ANXA3: variants seen among roughly 807,000 people sequenced by gnomAD.
The protein encoded by ANXA3 is 35-alpha calcimedin.
ANXA3 carries 46 observed loss-of-function variants against 48.8 expected under a neutral mutation model. The ratio of observed to expected loss-of-function variants is 0.94; its 90% CI spans 0.74 to 1.21. The LOEUF (loss-of-function observed/expected upper bound fraction) is 1.21, where lower values mean the gene tolerates loss of function less well. Ranked by LOEUF, ANXA3 falls within the 50% of genes most tolerant of loss-of-function variation. The pLI is 0.00. For missense variants in ANXA3, 383 were observed against 378.6 expected, an observed-to-expected ratio of 1.01 and a Z score of -0.10; for synonymous variants, 128 against 134.7, an observed-to-expected ratio of 0.95 and a Z score of 0.35.
intron 2 of ANXA3, among the ~76,000 whole-genome samples, chr4:78,562,215 G>T (rs896727582): frequency 3.2e-5 from 3 of 93,410 alleles, no homozygotes; most frequent in African/African-American, 1.0e-4. Flanking sequence ...TTTGGTGGAT[G>T]TAAAGCAGTT....
chr4:78,578,833 T>C (rs546182671), intron 3 of ANXA3, among the ~76,000 whole-genome samples, 194 bp from the exon 4 acceptor site: 4 of 150,108 alleles, frequency 2.7e-5, no homozygotes, highest in African/African-American at 5.0e-5. Context: ...AACTTTTTTT[T>C]TCCAAAACTC....
intron 6 of ANXA3, among the ~76,000 whole-genome samples, chr4:78,587,718 T>C (rs1723206659): frequency 6.6e-6 from 1 of 152,208 alleles, no homozygotes; most frequent in African/African-American, 2.4e-5. Context: ...GTGACTGTTT[T>C]GTTATTGATG....
intron 2 of ANXA3, among the ~76,000 whole-genome samples, chr4:78,567,322 C>T (rs1001924786): frequency 2.6e-5 from 4 of 152,140 alleles, no homozygotes; most frequent in East Asian, 3.8e-4. Context: ...TGGTCAGGGC[C>T]GTCCTCCCTC....
chr4:78,574,897 G>A (rs986368899), intron 3 of ANXA3, among the ~76,000 whole-genome samples: 1 of 152,186 alleles, frequency 6.6e-6, no homozygotes, highest in Admixed American at 6.5e-5. Context: ...CCACATTGAT[G>A]GGGATGCTTC....
At chr4:78,583,663 T>C (rs1455728625) in intron 5 of ANXA3, among the ~76,000 whole-genome samples, 1 of 150,584 alleles carries the variant, frequency 6.6e-6, no homozygotes, top group Non-Finnish European at 1.5e-5. Flanking sequence ...ATTGGTTACA[T>C]GATTATGGGA....
chr4:78,561,123 A>T (rs1722619419), intron 2 of ANXA3, among the ~76,000 whole-genome samples: 1 of 152,172 alleles, frequency 6.6e-6, no homozygotes, highest in Non-Finnish European at 1.5e-5. Flanking sequence ...TATAGAAGAT[A>T]CCGAAAAAGG....
intron 2 of ANXA3, 83 bp from the exon 3 acceptor site, chr4:78,573,097 T>G (rs1722872284): frequency 9.9e-7 from 1 of 1,011,660 alleles, no homozygotes; most frequent in African/African-American, 1.6e-5. Flanking sequence ...CATATGCCTC[T>G]CATATGCATG....
At chr4:78,558,940 G>A (rs1328317777) in intron 2 of ANXA3, among the ~76,000 whole-genome samples, 1 of 152,068 alleles carries the variant, frequency 6.6e-6, no homozygotes, top group Non-Finnish European at 1.5e-5. Flanking sequence ...ATACAATGCT[G>A]GCTTTCTTAG....
intron 2 of ANXA3, among the ~76,000 whole-genome samples, chr4:78,561,358 T>C (rs1454669390): frequency 1.3e-5 from 2 of 152,106 alleles, no homozygotes. Flanking sequence ...TGGTAGAGGC[T>C]CTTAGGAAAG....
chr4:78,590,997 C>T (rs1430317209), intron 6 of ANXA3, among the ~76,000 whole-genome samples: 2 of 152,092 alleles, frequency 1.3e-5, no homozygotes, highest in Admixed American at 1.3e-4. Context: ...GCCCAAGATG[C>T]AGATATCAGT....
Position 78,555,753 on chromosome 4 carries a change from A to G in ANXA3, c.15+1265A>G, listed in dbSNP as rs572818588. Among the ~76,000 whole-genome samples the G allele has an allele frequency of 4.5e-4, 69 of 151,666 alleles. 1 individual carries two copies. Among genetic ancestry groups the G allele is most frequent in the Non-Finnish European group, 8.8e-4 (60 of 67,914 alleles). On this transcript the variant is annotated intron_variant, in intron 2 of 12. Transcript: ENST00000264908. ...ATGGTCCTAGATACTTGGGAGGCTC[A>G]GGTGGTAAGATCGCTTAAGCCCAAG...
At chr4:78,587,629 G>A (rs996597829) in intron 6 of ANXA3, among the ~76,000 whole-genome samples, 1 of 152,342 alleles carries the variant, frequency 6.6e-6, no homozygotes, top group African/African-American at 2.4e-5. Flanking sequence ...CAAAGAAGGA[G>A]TACATATTGG....
Position 78,588,596 on chromosome 4 carries a change from A to T in ANXA3, c.403+2246A>T, listed in dbSNP as rs535191005. Among the ~76,000 whole-genome samples, 16 of 152,314 alleles carry T rather than the reference A, an allele frequency of 1.1e-4. No homozygotes were observed. In the South Asian group the frequency reaches 3.3e-3, roughly 32 times the overall value. On this transcript the variant is annotated intron_variant, in intron 6 of 12. Transcript: ENST00000264908. ...GGCTCAGAGCAGAGGCTTAAGGAGCAGGAGTTCAGATCTCTGAAAAGAGGG... is the reference window on the plus strand; with the variant it reads ...GGCTCAGAGCAGAGGCTTAAGGAGCTGGAGTTCAGATCTCTGAAAAGAGGG...
Position 78,597,421 on chromosome 4 carries a change from C to T in ANXA3, c.730+7C>T. 1 of 1,557,450 alleles carries T rather than the reference C, an allele frequency of 6.4e-7. No homozygotes were observed. The highest frequency in any genetic ancestry group is 8.8e-7 in the Non-Finnish European group (1 of 1,135,348). ...GACTTACTGTTGGCCATAGGTAAGA[C>T]TTCGAGTGCTGGTAAACTAAGTTAC... On this transcript the variant is annotated splice_region_variant and intron_variant, in intron 10 of 12. Coordinates refer to ENST00000264908, the MANE Select transcript of ANXA3 (RefSeq NM_005139.3).
chr4:78,553,834 A>G (rs1022899532), intron 1 of ANXA3: 4 of 152,230 alleles, frequency 2.6e-5, no homozygotes, highest in African/African-American at 9.6e-5. Context: ...GCATGTTTGA[A>G]TAATATCTAT....
chr4:78,589,993 A>T (rs1022334038), intron 6 of ANXA3, among the ~76,000 whole-genome samples: 17 of 152,218 alleles, frequency 1.1e-4, no homozygotes, highest in African/African-American at 4.1e-4. Flanking sequence ...TTTATACTCT[A>T]CTGTGCCTCA....
chr4:78,594,352 G>T (rs1723369503), intron 7 of ANXA3, among the ~76,000 whole-genome samples: 1 of 152,182 alleles, frequency 6.6e-6, no homozygotes. Flanking sequence ...AAACATTCAT[G>T]TGCAGATTTT....
intron 12 of ANXA3, among the ~76,000 whole-genome samples, chr4:78,606,539 A>C (rs927898965): frequency 2.0e-5 from 3 of 152,182 alleles, no homozygotes; most frequent in Non-Finnish European, 4.4e-5. Flanking sequence ...TGTCCCTGCC[A>C]GCAGCTGGAG....
chr4:78,598,199 A>G (rs191063695), intron 10 of ANXA3, among the ~76,000 whole-genome samples: 6 of 152,002 alleles, frequency 3.9e-5, no homozygotes, highest in Admixed American at 3.9e-4. Flanking sequence ...ACACACACAC[A>G]CACACACATG....
Sources: gnomAD v4.1 joint callset for allele counts (sites outside exome capture counted in the v4.1 genomes callset) on GRCh38, gnomAD v4.1.1 for gene constraint, MANE v1.5 for transcripts, NCBI Gene and HGNC (gene_info 2026-07-23, HGNC 2026-07-21) for gene names.